The following RASA1 variants were observed in gnomAD, a reference collection of about 807,000 sequenced individuals.
RASA1 encodes the protein ras GTPase-activating protein 1.
In RASA1, 25 loss-of-function variants were observed where a neutral mutation model predicts 132.2. The ratio of observed to expected loss-of-function variants is 0.19; its 90% CI spans 0.14 to 0.26. RASA1 has a LOEUF of 0.26. Among genes scored for constraint, RASA1 ranks in the 10% least tolerant of loss-of-function variants. The pLI, the probability that RASA1 is intolerant of heterozygous loss-of-function variation, is 1.00. For synonymous variants in RASA1, 477 were observed against 449.9 expected (o/e 1.06, Z -0.76); for missense variants, 964 against 1,299.2 (o/e 0.74, Z 3.97).
intron 6 of RASA1, among the ~76,000 whole-genome samples, chr5:87,346,175 T>C (rs1392534707): frequency 6.6e-6 from 1 of 152,070 alleles, no homozygotes; most frequent in Non-Finnish European, 1.5e-5. Context: ...CAGTTCTTGA[T>C]GGTGCTATCC....
intron 1 of RASA1, among the ~76,000 whole-genome samples, chr5:87,298,412 C>CA (rs1255095778): frequency 0.054 from 3,173 of 58,476 alleles, 89 homozygotes; most frequent in African/African-American, 0.11. Context: ...GACTCTGTCT[C>CA]AAAAAAAAAA....
intron 23 of RASA1, among the ~76,000 whole-genome samples, chr5:87,389,044 T>C (rs574276670): frequency 6.6e-6 from 1 of 152,318 alleles, no homozygotes; most frequent in African/African-American, 2.4e-5. Flanking sequence ...TTACCATCAT[T>C]AATACTGAAT....
At chr5:87,330,847 T>G in intron 1 of RASA1, 1 of 706,248 alleles carries the variant, frequency 1.4e-6, no homozygotes, top group Non-Finnish European at 2.0e-6. Flanking sequence ...AAACAGGAAA[T>G]TAAAATAGCA....
rs1762481297 is a variant in RASA1, at chr5:87,391,108, T to A, written c.*225T>A. ...TTGCACTATTTCCACATGGAATCAA[T>A]CTTTAACAACCTCTGAGCCTTGGTG... On this transcript the variant is annotated 3_prime_UTR_variant, in exon 25 of 25. Transcript: ENST00000274376. 6.4e-6 allele frequency: 4 copies of A among 620,570 alleles called. No individual in the cohort carries two copies. Among genetic ancestry groups the A allele is most frequent in the Non-Finnish European group, 1.2e-5 (4 of 346,478 alleles). 38.4% of individuals were successfully genotyped at this position (620,570 alleles called of 1,614,324 possible).
chr5:87,293,765 C>T (rs1385389035), intron 1 of RASA1, among the ~76,000 whole-genome samples: 1 of 151,908 alleles, frequency 6.6e-6, no homozygotes, highest in Admixed American at 6.6e-5. Flanking sequence ...TAGGTCTATT[C>T]AAGATTTTTT....
At chr5:87,293,404 T>C (rs566310724) in intron 1 of RASA1, among the ~76,000 whole-genome samples, 126 of 152,300 alleles carry the variant, frequency 8.3e-4, no homozygotes, top group Middle Eastern at 3.4e-3. Flanking sequence ...ATTGATTACA[T>C]TGATTTTTAA....
At chr5:87,271,292 T>A (rs930457891) in intron 1 of RASA1, among the ~76,000 whole-genome samples, 1 of 151,932 alleles carries the variant, frequency 6.6e-6, no homozygotes, top group African/African-American at 2.4e-5. Flanking sequence ...TTGAAAAAAA[T>A]AGTTCAATTT....
intron 1 of RASA1, among the ~76,000 whole-genome samples, chr5:87,286,022 T>G (rs1287797254): frequency 1.3e-5 from 2 of 150,092 alleles, no homozygotes; most frequent in African/African-American, 4.9e-5. Flanking sequence ...TATTATTTTG[T>G]GATGGAGTTT....
intron 12 of RASA1, among the ~76,000 whole-genome samples, chr5:87,370,572 A>G (rs1220665956): frequency 6.6e-6 from 1 of 152,214 alleles, no homozygotes; most frequent in African/African-American, 2.4e-5. Context: ...TGAGGCAGGA[A>G]GATTGCATTA....
At chr5:87,385,525 T>C in intron 22 of RASA1, 136 bp downstream of exon 22, 1 of 704,738 alleles carries the variant, frequency 1.4e-6, no homozygotes, top group East Asian at 2.7e-5. Flanking sequence ...GGTATGTTTG[T>C]TTTTAAAGTA....
chr5:87,386,735 T>C, intron 22 of RASA1, 91 bp from the exon 23 acceptor site: 1 of 1,096,598 alleles, frequency 9.1e-7, no homozygotes, highest in Non-Finnish European at 1.4e-6. Flanking sequence ...TTGCAGTTTT[T>C]GCTGTTAACT....
Position 87,268,042 on chromosome 5 carries a change from G to C in RASA1, c.-410G>C, listed in dbSNP as rs1373434333. 1 of 407,724 alleles carries C rather than the reference G, an allele frequency of 2.5e-6. No individual in the cohort carries two copies. The highest frequency in any genetic ancestry group is 2.1e-5 in the African/African-American group (1 of 48,646). The allele number at this position is 407,724 out of a possible 1,614,324, so 25.3% of individuals were successfully genotyped here. ...CGGCACCGGCGGTGGCTGCGGTGTGGGTGGCCGGAACTGGGGTGGTGAAGA... is the reference window on the plus strand; with the variant it reads ...CGGCACCGGCGGTGGCTGCGGTGTGCGTGGCCGGAACTGGGGTGGTGAAGA... On this transcript the variant is annotated 5_prime_UTR_variant, in exon 1 of 25. Coordinates refer to ENST00000274376, the MANE Select transcript of RASA1 (RefSeq NM_002890.3).
chr5:87,344,069 G>A (rs369810610), intron 6 of RASA1, among the ~76,000 whole-genome samples: 5 of 152,130 alleles, frequency 3.3e-5, no homozygotes, highest in African/African-American at 1.2e-4. Flanking sequence ...AAGGTGGGAA[G>A]GGTAGCAGGG....
In RASA1 at chr5:87,391,756, ACCTCATCAGCTG is replaced by A. The variant is rs1483483455; in HGVS notation, c.*877_*888del. On this transcript the variant is annotated 3_prime_UTR_variant, in exon 25 of 25. Coordinates refer to ENST00000274376, the MANE Select transcript of RASA1 (RefSeq NM_002890.3). ...TGCTACCCCTTTGATTATGCAGACA[ACCTCATCAGCTG>A]CCTAACTTATCCATCTTTGAACTTC... 4.3e-6 allele frequency: 1 copy of A among 232,332 alleles called. No homozygotes were observed. Among genetic ancestry groups the A allele is most frequent in the Non-Finnish European group, 8.5e-6 (1 of 117,452 alleles). 14.4% of individuals were successfully genotyped at this position (232,332 alleles called of 1,614,324 possible). A position where few individuals can be genotyped will look rare whatever the true frequency, so the allele number is the denominator to read the frequency against.
Position 87,268,693 on chromosome 5 carries a change from T to TG in RASA1, c.248dup (p.Ala84SerfsTer28). The TG allele has an allele frequency of 1.2e-6, 2 of 1,611,610 alleles. No individual in the cohort carries two copies. The highest frequency in any genetic ancestry group is 1.7e-6 in the Non-Finnish European group (2 of 1,179,038). On this transcript the variant is annotated frameshift_variant, in exon 1 of 25. Coordinates refer to ENST00000274376, the MANE Select transcript of RASA1 (RefSeq NM_002890.3). LOFTEE classifies it high-confidence loss of function. ...GGAGCCGGGTCTGTGGCAGGGGCAC[T>TG]GGGGGGAGCTGGACTGACAGGGGGA...
intron 9 of RASA1, among the ~76,000 whole-genome samples, chr5:87,359,024 G>A (rs934777962): frequency 1.3e-5 from 2 of 152,146 alleles, no homozygotes. Context: ...CTAACATGTA[G>A]TACAATTTAT....
At chr5:87,284,960 T>C (rs1754479443) in intron 1 of RASA1, among the ~76,000 whole-genome samples, 1 of 152,052 alleles carries the variant, frequency 6.6e-6, no homozygotes, top group Non-Finnish European at 1.5e-5. Context: ...ATCTATGTGA[T>C]AGAATAACAT....
At chr5:87,286,944 C>CAT (rs558382879) in intron 1 of RASA1, among the ~76,000 whole-genome samples, 167 of 143,156 alleles carry the variant, frequency 1.2e-3, no homozygotes, top group Admixed American at 3.4e-3. Context: ...ATATATACAC[C>CAT]ATATATATAC....
In RASA1 at chr5:87,313,616, C is replaced by T. The variant is rs544863795; in HGVS notation, c.540-17732C>T. Among the ~76,000 whole-genome samples, 181 of 152,144 alleles carry T rather than the reference C, an allele frequency of 1.2e-3. 1 individual carries two copies. The highest frequency in any genetic ancestry group is 2.2e-3 in the Non-Finnish European group (152 of 68,002). On this transcript the variant is annotated intron_variant, in intron 1 of 24. Transcript: ENST00000274376. ...AATTGTGAAGATGACTTAAATGTCC[C>T]CCAGTATCCACAAGTAACTTTTTAC...
Sources: gnomAD v4.1 joint callset for allele counts (sites outside exome capture counted in the v4.1 genomes callset) on GRCh38, gnomAD v4.1.1 for gene constraint, MANE v1.5 for transcripts, NCBI Gene and HGNC (gene_info 2026-07-23, HGNC 2026-07-21) for gene names.